The following ROBO2 variants were observed in gnomAD, a reference collection of about 807,000 sequenced individuals.
ROBO2 encodes the protein roundabout guidance receptor 2.
ROBO2 carries 53 observed loss-of-function variants against 160.8 expected under a neutral mutation model. The ratio of observed to expected loss-of-function variants is 0.33; its 90% confidence interval spans 0.26 to 0.41. The LOEUF is 0.41. Ranked by LOEUF, ROBO2 falls within the 10% of genes least tolerant of loss-of-function variation. The pLI is 1.00. For synonymous variants in ROBO2, 664 were observed against 611.7 expected, an observed-to-expected ratio of 1.09 and a Z score of -1.26; for missense variants, 1,577 against 1,722.4, an observed-to-expected ratio of 0.92 and a Z score of 1.49.
rs1409092985 is a variant in ROBO2 at position 76,822,676 on chromosome 3, G to T, written c.110-275338G>T. ...AGACTTTACAAATAATATAGTAGGA[G>T]AACAGGACCATGTGTTATGCCAGGT... On this transcript the variant is annotated intron_variant, in intron 2 of 26. Transcript: ENST00000487694. Among the ~76,000 whole-genome samples, 3 of 151,306 alleles carry T rather than the reference G, an allele frequency of 2.0e-5. No individual in the cohort carries two copies. In the East Asian group the frequency reaches 5.9e-4, roughly 30 times the overall value.
intron 2 of ROBO2, among the ~76,000 whole-genome samples, chr3:75,938,489 C>T (rs2324402): frequency 0.082 from 12,492 of 151,850 alleles, 646 homozygotes; most frequent in Non-Finnish European, 0.12. Flanking sequence ...GCATTTTTTC[C>T]GCATTTTTAA....
chr3:77,509,661 G>A (rs1237328920), intron 5 of ROBO2, among the ~76,000 whole-genome samples: 2 of 152,042 alleles, frequency 1.3e-5, no homozygotes, highest in East Asian at 1.9e-4. Flanking sequence ...ACTGTGTGAT[G>A]TCCCCAGTGT....
chr3:77,019,686 A>G (rs1472538751), intron 2 of ROBO2, among the ~76,000 whole-genome samples: 1 of 152,224 alleles, frequency 6.6e-6, no homozygotes, highest in African/African-American at 2.4e-5. Flanking sequence ...CTTGATTTTC[A>G]GGATTTTATC....
At chr3:76,403,733 G>C (rs976039607) in intron 2 of ROBO2, among the ~76,000 whole-genome samples, 1 of 151,614 alleles carries the variant, frequency 6.6e-6, no homozygotes, top group African/African-American at 2.4e-5. Flanking sequence ...TATTGAGGGG[G>C]AGTGATTGTG....
At chr3:76,189,122 A>G (rs143039938) in intron 2 of ROBO2, among the ~76,000 whole-genome samples, 2 of 152,174 alleles carry the variant, frequency 1.3e-5, no homozygotes, top group East Asian at 3.9e-4. Flanking sequence ...CTTTCCAGAA[A>G]GTTGGCAGTG....
chr3:77,389,256 T>A (rs1440107808), intron 2 of ROBO2, among the ~76,000 whole-genome samples: 2 of 152,326 alleles, frequency 1.3e-5, no homozygotes, highest in East Asian at 3.9e-4. Context: ...ATTTATTTTT[T>A]TAACCCACTT....
At chr3:77,129,885 G>C (rs2075693051) in intron 2 of ROBO2, among the ~76,000 whole-genome samples, 1 of 151,954 alleles carries the variant, frequency 6.6e-6, no homozygotes, top group African/African-American at 2.4e-5. Context: ...GCTTCTTCTG[G>C]GTCCCACCAC....
upstream of ROBO2, among the ~76,000 whole-genome samples, chr3:77,035,535 A>G (rs537227622): frequency 1.3e-5 from 2 of 152,044 alleles, no homozygotes; most frequent in East Asian, 3.9e-4. Flanking sequence ...TAAATGAACT[A>G]TTACTATATT....
At chr3:77,366,883 C>T (rs2153473441) in intron 2 of ROBO2, among the ~76,000 whole-genome samples, 1 of 136,488 alleles carries the variant, frequency 7.3e-6, no homozygotes, top group Middle Eastern at 3.6e-3. Flanking sequence ...ATAGTGAGAA[C>T]TCTCACAGCA....
chr3:76,894,817 A>G (rs892105645), intron 2 of ROBO2, among the ~76,000 whole-genome samples: 11 of 152,120 alleles, frequency 7.2e-5, no homozygotes, highest in African/African-American at 2.4e-4. Context: ...GAATCATGTG[A>G]TGGTTTTGAC....
chr3:76,988,927 T>C (rs1174732916), intron 2 of ROBO2, among the ~76,000 whole-genome samples: 1 of 152,132 alleles, frequency 6.6e-6, no homozygotes, highest in Non-Finnish European at 1.5e-5. Context: ...TGTTCCAATG[T>C]GCTATTTAGA....
chr3:77,505,579 G>GA (rs1281729434), intron 5 of ROBO2, among the ~76,000 whole-genome samples: 8 of 151,962 alleles, frequency 5.3e-5, no homozygotes, highest in Non-Finnish European at 1.2e-4. Context: ...TTAAGGAGAG[G>GA]AAAAATGACC....
chr3:76,870,529 A>G (rs760750854), intron 2 of ROBO2, among the ~76,000 whole-genome samples: 30 of 152,346 alleles, frequency 2.0e-4, no homozygotes, highest in Admixed American at 4.6e-4. Flanking sequence ...ATCTCTGGCT[A>G]TGGATCCAGA....
intron 2 of ROBO2, among the ~76,000 whole-genome samples, chr3:76,712,456 C>T (rs1185264601): frequency 6.6e-6 from 1 of 152,092 alleles, no homozygotes; most frequent in Non-Finnish European, 1.5e-5. Flanking sequence ...GGGCGGATCA[C>T]CTGAGGTCAG....
intron 2 of ROBO2, among the ~76,000 whole-genome samples, chr3:76,235,598 A>T (rs897770147): frequency 1.3e-5 from 2 of 152,226 alleles, no homozygotes; most frequent in Non-Finnish European, 2.9e-5. Flanking sequence ...CATTAAAAAA[A>T]GTCAACTTAA....
intron 2 of ROBO2, among the ~76,000 whole-genome samples, chr3:77,222,468 A>G (rs1307970311): frequency 3.3e-5 from 5 of 152,130 alleles, no homozygotes; most frequent in African/African-American, 9.7e-5. Context: ...ACTTTTTCAG[A>G]AGACTTTTTT....
intron 2 of ROBO2, among the ~76,000 whole-genome samples, chr3:76,798,292 G>GAAAGAAAGAAAGAAAGAAA (rs2063913250): frequency 1.3e-5 from 2 of 148,676 alleles, no homozygotes; most frequent in African/African-American, 5.0e-5. Context: ...AAGAAAGAAA[G>GAAAGAAAGAAAGAAAGAAA]AAAGAAAGAA....
rs1020728523 is a variant in ROBO2, at chr3:77,530,968, A to C, written c.934+8066A>C. ...GCCTCTCCCAAGCCTAAAAATAAAA[A>C]AAGAACATCTATTTTGGAGATGGGC... On this transcript the variant is annotated intron_variant, in intron 6 of 25. Transcript: ENST00000461745. 3.3e-5 allele frequency among the ~76,000 whole-genome samples: 5 copies of C among 152,180 alleles called. No individual in the cohort carries two copies. In the East Asian group the frequency reaches 9.7e-4, roughly 30 times the overall value.
chr3:75,961,834 G>T (rs1421088183), intron 2 of ROBO2, among the ~76,000 whole-genome samples: 2 of 151,422 alleles, frequency 1.3e-5, no homozygotes, highest in African/African-American at 4.8e-5. Flanking sequence ...GTATATTTCT[G>T]TGTGAATCTT....
Sources: allele counts gnomAD v4.1 joint callset (sites outside exome capture counted in the v4.1 genomes callset), GRCh38; gene constraint gnomAD v4.1.1; transcripts MANE v1.5; gene names NCBI Gene and HGNC (gene_info 2026-07-23, HGNC 2026-07-21).